DOK5: variants seen among roughly 807,000 people sequenced by gnomAD.
DOK5 encodes docking protein 5.
DOK5 carries 27 observed loss-of-function variants against 43.3 expected under a neutral mutation model. That is an observed-to-expected ratio of 0.62 (90% CI 0.46 to 0.86). The LOEUF is 0.86. Ranked by LOEUF, DOK5 falls within the 40% of genes least tolerant of loss-of-function variation. The pLI is 0.00. For synonymous variants in DOK5, 146 were observed against 140.1 expected (o/e 1.04, Z -0.30); for missense variants, 373 against 392.9 (o/e 0.95, Z 0.43).
chr20:54,614,921 C>T (rs1180330198), intron 6 of DOK5, among the ~76,000 whole-genome samples: 2 of 152,156 alleles, frequency 1.3e-5, no homozygotes, highest in African/African-American at 4.8e-5. Flanking sequence ...ATTGTTTTGC[C>T]TTTTCTGGTA....
Position 54,541,507 on chromosome 20 carries a change from T to C in DOK5, c.67-13426T>C, listed in dbSNP as rs374269754. 2.9e-4 allele frequency among the ~76,000 whole-genome samples: 44 copies of C among 152,200 alleles called. 1 individual carries two copies. In the South Asian group the frequency reaches 8.9e-3, roughly 31 times the overall value. Reference sequence around the variant, plus strand: ...CTGGAGTGCAGTGGTGCAATCTCCGTTCACTGCAACCTCTGCCTCCCAGGT... The same window carrying C: ...CTGGAGTGCAGTGGTGCAATCTCCGCTCACTGCAACCTCTGCCTCCCAGGT... On this transcript the variant is annotated intron_variant, in intron 1 of 7. Coordinates refer to ENST00000262593, the MANE Select transcript of DOK5 (RefSeq NM_018431.5).
chr20:54,564,410 G>A (rs570180548), intron 2 of DOK5, among the ~76,000 whole-genome samples: 8 of 152,116 alleles, frequency 5.3e-5, no homozygotes, highest in East Asian at 3.9e-4. Flanking sequence ...CAGCCTCGGC[G>A]ACAAAGCAAG....
chr20:54,557,547 C>T lies in DOK5; in HGVS notation c.174+2507C>T, dbSNP rs538457242. Reference sequence around the variant, plus strand: ...AGGGTCCCTGGTCAATGCGATCACGCGATTTGATTTCTTGCTGCCCTTTTA... The same window carrying T: ...AGGGTCCCTGGTCAATGCGATCACGTGATTTGATTTCTTGCTGCCCTTTTA... On this transcript the variant is annotated intron_variant, in intron 2 of 7. Coordinates refer to ENST00000262593, the MANE Select transcript of DOK5 (RefSeq NM_018431.5). Among the ~76,000 whole-genome samples, 216 of 152,268 alleles carry T rather than the reference C, an allele frequency of 1.4e-3. 1 individual carries two copies. The highest frequency in any genetic ancestry group is 2.4e-3 in the Non-Finnish European group (164 of 68,026).
At position 54,610,534 on chromosome 20, in the gene DOK5, A is replaced by T; in HGVS notation, c.735+11A>T. ...GTGAAAAACTCGATGGTACGTTTGG[A>T]ATTTCTTCCTCGTGTCCCAGTGCCT... On this transcript the variant is annotated intron_variant, in intron 6 of 7. Coordinates refer to ENST00000262593, the MANE Select transcript of DOK5 (RefSeq NM_018431.5). The T allele has an allele frequency of 6.8e-7, 1 of 1,473,956 alleles. No homozygotes were observed. The highest frequency in any genetic ancestry group is 9.0e-7 in the Non-Finnish European group (1 of 1,107,228). The allele number at this position is 1,473,956 out of a possible 1,614,324, so 91.3% of individuals were successfully genotyped here.
chr20:54,649,803 C>A (rs1979613881), intron 7 of DOK5, among the ~76,000 whole-genome samples: 1 of 152,178 alleles, frequency 6.6e-6, no homozygotes, highest in Non-Finnish European at 1.5e-5. Flanking sequence ...CTACAGGCAG[C>A]AGGGCTCAGT....
chr20:54,588,598 G>A lies in DOK5; in HGVS notation c.289+1G>A. The A allele has an allele frequency of 1.2e-6, 2 of 1,614,140 alleles. No homozygotes were observed. The highest frequency in any genetic ancestry group is 1.7e-6 in the Non-Finnish European group (2 of 1,179,986). On this transcript the variant is annotated splice_donor_variant, in intron 3 of 7. Coordinates refer to ENST00000262593, the MANE Select transcript of DOK5 (RefSeq NM_018431.5). LOFTEE classifies it high-confidence loss of function. Reference sequence around the variant, plus strand: ...TCCAAGACTTTTGCTTGCGAATCAGGTTTGTCTCAGGCAGGGCTGGGGGGC... The same window carrying A: ...TCCAAGACTTTTGCTTGCGAATCAGATTTGTCTCAGGCAGGGCTGGGGGGC...
At chr20:54,566,092 C>G in intron 2 of DOK5, among the ~76,000 whole-genome samples, 1 of 150,884 alleles carries the variant, frequency 6.6e-6, no homozygotes. Flanking sequence ...ATCACATCCT[C>G]CAGTCCTCCC....
intron 6 of DOK5, among the ~76,000 whole-genome samples, chr20:54,621,685 C>A (rs1282091294): frequency 6.7e-6 from 1 of 149,112 alleles, no homozygotes; most frequent in Non-Finnish European, 1.5e-5. Context: ...CGAGACTCGG[C>A]CTCAAAAAAA....
intron 1 of DOK5, among the ~76,000 whole-genome samples, chr20:54,533,722 T>C (rs1005492629): frequency 5.3e-5 from 8 of 152,196 alleles, no homozygotes; most frequent in African/African-American, 1.9e-4. Context: ...GCTTCTCATA[T>C]TTAGAGCTTA....
At chr20:54,629,291 G>A (rs997445261) in intron 6 of DOK5, among the ~76,000 whole-genome samples, 6 of 152,278 alleles carry the variant, frequency 3.9e-5, no homozygotes, top group Non-Finnish European at 8.8e-5. Flanking sequence ...CCTTGAAACC[G>A]GTGAATAGAA....
chr20:54,537,018 G>A (rs1156319644), intron 1 of DOK5, among the ~76,000 whole-genome samples: 1 of 152,200 alleles, frequency 6.6e-6, no homozygotes, highest in Non-Finnish European at 1.5e-5. Flanking sequence ...AATGGAATCA[G>A]CATTGCCCAG....
At chr20:54,485,247 G>T (rs571258496) in intron 1 of DOK5, among the ~76,000 whole-genome samples, 1 of 151,170 alleles carries the variant, frequency 6.6e-6, no homozygotes, top group East Asian at 1.9e-4. Context: ...CCCGGATGGC[G>T]GAGGTTGCAG....
intron 1 of DOK5, among the ~76,000 whole-genome samples, chr20:54,524,516 T>C (rs1207764219): frequency 1.3e-5 from 2 of 152,208 alleles, no homozygotes; most frequent in Non-Finnish European, 2.9e-5. Context: ...AACAGCCTAT[T>C]GTATGCCTCA....
At chr20:54,637,195 A>C (rs1409273066) in intron 6 of DOK5, among the ~76,000 whole-genome samples, 1 of 152,188 alleles carries the variant, frequency 6.6e-6, no homozygotes, top group African/African-American at 2.4e-5. Flanking sequence ...TTCTCTCCCC[A>C]GCAGCATGAT....
At chr20:54,478,327 C>T (rs955680041) in intron 1 of DOK5, among the ~76,000 whole-genome samples, 1 of 152,154 alleles carries the variant, frequency 6.6e-6, no homozygotes, top group African/African-American at 2.4e-5. Flanking sequence ...CCTATGTCCA[C>T]AGTAAGGAAT....
intron 1 of DOK5, among the ~76,000 whole-genome samples, chr20:54,553,507 T>C (rs532749655): frequency 6.6e-6 from 1 of 151,590 alleles, no homozygotes; most frequent in African/African-American, 2.4e-5. Flanking sequence ...ATTTCTATTC[T>C]TTTTAGGTTA....
At chr20:54,621,430 G>A (rs1391283183) in intron 6 of DOK5, among the ~76,000 whole-genome samples, 2 of 152,178 alleles carry the variant, frequency 1.3e-5, no homozygotes, top group Admixed American at 1.3e-4. Flanking sequence ...GGTGGCTCAC[G>A]CCTGTAATCC....
chr20:54,537,150 C>A (rs544179956), intron 1 of DOK5, among the ~76,000 whole-genome samples: 1 of 152,164 alleles, frequency 6.6e-6, no homozygotes, highest in Non-Finnish European at 1.5e-5. Flanking sequence ...TAATGAGGGG[C>A]CCCGTCAAGT....
chr20:54,518,353 C>A (rs1234927168), intron 1 of DOK5, among the ~76,000 whole-genome samples: 1 of 151,884 alleles, frequency 6.6e-6, no homozygotes, highest in Non-Finnish European at 1.5e-5. Context: ...CAATTCCCAC[C>A]TATGAGTGAG....
Sources: allele counts gnomAD v4.1 joint callset (sites outside exome capture counted in the v4.1 genomes callset), GRCh38; gene constraint gnomAD v4.1.1; transcripts MANE v1.5; gene names NCBI Gene and HGNC (gene_info 2026-07-23, HGNC 2026-07-21).